Variants in TBC1D1 observed in about 807,000 individuals in gnomAD.
TBC1D1 encodes TBC1 (tre-2/USP6, BUB2, cdc16) domain family, member 1.
Under a neutral mutation model 125.6 loss-of-function variants are expected in TBC1D1, and 89 were observed. The ratio of observed to expected loss-of-function variants is 0.71; its 90% confidence interval spans 0.60 to 0.85. The LOEUF (loss-of-function observed/expected upper bound fraction) is 0.85, where lower values mean the gene tolerates loss of function less well. TBC1D1 is among the 40% of genes least tolerant of loss of function. TBC1D1 has a pLI of 0.00. For synonymous variants in TBC1D1, 565 were observed against 564.1 expected (o/e 1.00, Z -0.02); for missense variants, 1,377 against 1,469.2 (o/e 0.94, Z 1.03).
rs1307986066 is a variant in TBC1D1, at chr4:37,996,309, T to C, written c.418-18200T>C. ...ATATATTGAAGTTATCTAACATTTA[T>C]AACTCCGAGAATGCCAAGGAGCAAT... On this transcript the variant is annotated intron_variant, in intron 2 of 19. Coordinates refer to ENST00000261439, the MANE Select transcript of TBC1D1 (RefSeq NM_015173.4). 3 of 200,276 alleles carry C rather than the reference T, an allele frequency of 1.5e-5. No individual in the cohort carries two copies. The East Asian group carries it at 3.3e-4, about 22-fold the overall frequency. The allele number at this position is 200,276 out of a possible 1,614,324, so 12.4% of individuals were successfully genotyped here.
chr4:37,975,238 CAG>C (rs1308087367), intron 2 of TBC1D1, among the ~76,000 whole-genome samples: 5 of 151,496 alleles, frequency 3.3e-5, no homozygotes, highest in African/African-American at 7.2e-5. Flanking sequence ...GCAGCCGAGG[CAG>C]AGAGAGAGAG....
At chr4:38,029,277 T>C (rs1422462309) in intron 7 of TBC1D1, among the ~76,000 whole-genome samples, 1 of 152,186 alleles carries the variant, frequency 6.6e-6, no homozygotes, top group African/African-American at 2.4e-5. Flanking sequence ...TGGGTTTAAG[T>C]GCTTTTCCTT....
intron 2 of TBC1D1, among the ~76,000 whole-genome samples, chr4:37,993,024 G>A (rs918507987): frequency 2.6e-5 from 4 of 151,774 alleles, no homozygotes; most frequent in South Asian, 2.1e-4. Context: ...GGACGGTCTC[G>A]AACTCCTGAC....
intron 14 of TBC1D1, among the ~76,000 whole-genome samples, chr4:38,102,431 T>G (rs1029521115): frequency 7.9e-5 from 12 of 151,652 alleles, no homozygotes; most frequent in African/African-American, 2.9e-4. Flanking sequence ...TTGCAGAGTC[T>G]GACAGGGTCA....
At chr4:37,993,208 T>C (rs1189002270) in intron 2 of TBC1D1, among the ~76,000 whole-genome samples, 1 of 151,682 alleles carries the variant, frequency 6.6e-6, no homozygotes, top group Non-Finnish European at 1.5e-5. Context: ...TTTTGGGGAG[T>C]AGATGCCATC....
intron 2 of TBC1D1, among the ~76,000 whole-genome samples, chr4:37,913,460 G>A (rs1356087046): frequency 6.6e-6 from 1 of 151,982 alleles, no homozygotes; most frequent in African/African-American, 2.4e-5. Context: ...TTAGGCAGGT[G>A]TGGTGGCACA....
At chr4:37,926,322 C>CCTT (rs1208054433) in intron 2 of TBC1D1, among the ~76,000 whole-genome samples, 3 of 152,170 alleles carry the variant, frequency 2.0e-5, no homozygotes, top group Non-Finnish European at 4.4e-5. Flanking sequence ...CTGCTCAATG[C>CCTT]CTTAGCGTTG....
rs375476223 is a variant in TBC1D1, at chr4:38,007,115, G to A, written c.418-7394G>A. ...CTGAAAGAGAAGACATTTCTTGAGT[G>A]GCAAGGAACTGGAGTCCCTGGACTT... On this transcript the variant is annotated intron_variant, in intron 2 of 19. Transcript: ENST00000261439. 5.4e-4 allele frequency: 138 copies of A among 257,708 alleles called. 1 individual carries two copies. In the South Asian group the frequency reaches 8.1e-3, roughly 15 times the overall value. 16.0% of individuals were successfully genotyped at this position (257,708 alleles called of 1,614,324 possible).
At chr4:38,137,081 C>T (rs1766757284) in intron 19 of TBC1D1, 54 bp from the exon 22 acceptor site, 2 of 1,609,138 alleles carry the variant, frequency 1.2e-6, no homozygotes, top group Admixed American at 3.3e-5. Context: ...GGCACTGGAT[C>T]CCACCTGTGT....
chr4:37,901,203 C>A (rs148251424), intron 1 of TBC1D1, among the ~76,000 whole-genome samples: 8,230 of 152,002 alleles, frequency 0.054, 412 homozygotes, highest in African/African-American at 0.12. Context: ...GTTGTCCAGA[C>A]TGGAGTGCAG....
chr4:37,921,044 A>C (rs976616032), intron 2 of TBC1D1, among the ~76,000 whole-genome samples: 1 of 139,932 alleles, frequency 7.1e-6, no homozygotes, highest in Non-Finnish European at 1.5e-5. Flanking sequence ...CAGGAGGCGA[A>C]GGTTGCAGCG....
At chr4:37,908,759 G>A (rs568042171) in intron 2 of TBC1D1, among the ~76,000 whole-genome samples, 147 of 152,278 alleles carry the variant, frequency 9.7e-4, no homozygotes, top group Non-Finnish European at 1.8e-3. Flanking sequence ...CAAAAAGGAA[G>A]TCTTATTTCT....
chr4:37,899,299 G>A (rs1273119778), intron 1 of TBC1D1, among the ~76,000 whole-genome samples: 1 of 152,026 alleles, frequency 6.6e-6, no homozygotes. Context: ...AGGGAGATGA[G>A]ACCGAGTTAG....
rs184055177 is a variant in TBC1D1, at chr4:38,052,703, T to C, written c.1911-1496T>C. ...GTGGACACTTACATGCATGCGTATA[T>C]ACACACACACGCGCGCGCGCGCGCG... On this transcript the variant is annotated intron_variant, in intron 11 of 19. Coordinates refer to ENST00000261439, the MANE Select transcript of TBC1D1 (RefSeq NM_015173.4). Among the ~76,000 whole-genome samples the C allele has an allele frequency of 4.2e-3, 538 of 128,302 alleles. 3 individuals are homozygous for C. The highest frequency in any genetic ancestry group is 0.024 in the Middle Eastern group (6 of 252). The allele number at this position is 128,302 out of a possible 152,430, so 84.2% of individuals were successfully genotyped here.
chr4:38,030,895 T>C (rs1053290058), intron 7 of TBC1D1, among the ~76,000 whole-genome samples: 5 of 152,232 alleles, frequency 3.3e-5, no homozygotes, highest in African/African-American at 1.2e-4. Flanking sequence ...AATGGAACTC[T>C]AACAGCTATA....
At chr4:38,018,329 T>C in intron 3 of TBC1D1, 25 bp from the exon 4 acceptor site, 2 of 1,555,996 alleles carry the variant, frequency 1.3e-6, no homozygotes, top group Non-Finnish European at 1.8e-6. Flanking sequence ...TTTGAAAAGC[T>C]AGATTTTTTT....
At chr4:37,932,784 G>A (rs1479575582) in intron 2 of TBC1D1, among the ~76,000 whole-genome samples, 4 of 152,270 alleles carry the variant, frequency 2.6e-5, no homozygotes, top group African/African-American at 9.6e-5. Context: ...GTGGCTGGGC[G>A]CGGTGCCTCA....
intron 11 of TBC1D1, among the ~76,000 whole-genome samples, chr4:38,051,345 T>C (rs549419236): frequency 6.6e-6 from 1 of 152,350 alleles, no homozygotes; most frequent in Admixed American, 6.5e-5. Context: ...AAATAAGACA[T>C]TGAAATTCAG....
chr4:38,123,804 C>T (rs1023450594), intron 17 of TBC1D1, among the ~76,000 whole-genome samples: 1 of 152,226 alleles, frequency 6.6e-6, no homozygotes, highest in Admixed American at 6.5e-5. Context: ...CGAGGGCTAT[C>T]CCAGCCAGCG....
Sources: gnomAD v4.1 joint callset for allele counts (sites outside exome capture counted in the v4.1 genomes callset) on GRCh38, gnomAD v4.1.1 for gene constraint, MANE v1.5 for transcripts, NCBI Gene and HGNC (gene_info 2026-07-23, HGNC 2026-07-21) for gene names.